CAMK2G: variants seen among roughly 807,000 people sequenced by gnomAD.
CAMK2G encodes the protein calcium/calmodulin-dependent protein kinase type II subunit gamma.
A neutral mutation model predicts 88.7 loss-of-function variants in CAMK2G; 23 were observed. The observed-to-expected ratio is 0.26, with a 90% CI of 0.19 to 0.37. The LOEUF is 0.37. Among genes scored for constraint, CAMK2G ranks in the 10% least tolerant of loss-of-function variants. CAMK2G has a pLI of 1.00. For missense variants in CAMK2G, 476 were observed against 780.8 expected (o/e 0.61, Z 4.65); for synonymous variants, 263 against 294.8 (o/e 0.89, Z 1.11).
chr10:73,834,573 CCT>C (rs1016863502), intron 14 of CAMK2G, among the ~76,000 whole-genome samples: 1 of 152,364 alleles, frequency 6.6e-6, no homozygotes, highest in East Asian at 1.9e-4. Context: ...CTCTGTCCTT[CCT>C]CTGTTTCCTT....
At chr10:73,854,285 G>A (rs1191055874) in intron 3 of CAMK2G, among the ~76,000 whole-genome samples, 2 of 152,182 alleles carry the variant, frequency 1.3e-5, no homozygotes, top group African/African-American at 4.8e-5. Flanking sequence ...AAGCTGGCAG[G>A]CGGAATCCCT....
intron 18 of CAMK2G, among the ~76,000 whole-genome samples, chr10:73,820,294 C>G (rs1793248466): frequency 1.3e-5 from 2 of 151,654 alleles, no homozygotes; most frequent in Non-Finnish European, 2.9e-5. Context: ...CGCCCTGGCA[C>G]TCTAGCCAGG....
At chr10:73,843,291 C>T (rs996662581) in intron 10 of CAMK2G, among the ~76,000 whole-genome samples, 3 of 152,146 alleles carry the variant, frequency 2.0e-5, no homozygotes, top group Admixed American at 6.5e-5. Flanking sequence ...GTCTCGAACT[C>T]CTGACCTCAA....
rs113582704 is a variant in CAMK2G, at chr10:73,864,896, G to A, written c.161-4007C>T. 4.6e-5 allele frequency among the ~76,000 whole-genome samples: 7 copies of A among 152,178 alleles called. 1 individual carries two copies. The highest frequency in any genetic ancestry group is 4.1e-4 in the South Asian group (2 of 4,824). On this transcript the variant is annotated intron_variant, in intron 2 of 22. Coordinates refer to ENST00000423381, the MANE Select transcript of CAMK2G (RefSeq NM_001367534.1). ...CCTGACCTTATGATCCGCCTGCCTC[G>A]GCCTCCCAAAGTGCTGGGATTACAG...
intron 1 of CAMK2G, 130 bp from the exon 2 acceptor site, chr10:73,873,213 C>G: frequency 1.1e-6 from 1 of 947,188 alleles, no homozygotes; most frequent in South Asian, 1.4e-5. Flanking sequence ...GCACACACAC[C>G]GGCGCTGTGA....
chr10:73,849,097 C>G lies in CAMK2G; in HGVS notation c.433G>C (p.Ala145Pro). 1 of 1,613,994 alleles carries G rather than the reference C, an allele frequency of 6.2e-7. No homozygotes were observed. Residue 145 changes from alanine to proline, a missense_variant, in exon 7 of 23, where the codon GCG becomes CCG. Physicochemically the swap from Ala to Pro is conservative, Grantham distance 27. Coordinates refer to ENST00000423381, the MANE Select transcript of CAMK2G (RefSeq NM_001367534.1). ...ACGGCGGCACCCTTGCATTTACTCG[C>G]CAGCAGCAGGTTCTCAGGCTGCAGA... The part of the protein sequence containing the change: ...RDLKPENLLL[A>P]SKCKGAAVKL...
At chr10:73,828,158 A>G in intron 14 of CAMK2G, 37 bp from the exon 15 acceptor site, 1 of 1,570,764 alleles carries the variant, frequency 6.4e-7, no homozygotes, top group Non-Finnish European at 8.8e-7. Context: ...GAGAAGGGGA[A>G]AGAGGAGGTA....
At chr10:73,858,614 A>G (rs1020733314) in intron 3 of CAMK2G, among the ~76,000 whole-genome samples, 1 of 152,134 alleles carries the variant, frequency 6.6e-6, no homozygotes, top group Admixed American at 6.5e-5. Flanking sequence ...ATGAAATGGA[A>G]GCACAGTTCT....
At chr10:73,824,283 C>T (rs1008938782) in intron 16 of CAMK2G, among the ~76,000 whole-genome samples, 199 bp from the exon 17 acceptor site, 2 of 152,204 alleles carry the variant, frequency 1.3e-5, no homozygotes, top group Non-Finnish European at 2.9e-5. Flanking sequence ...ATTTTGGCAG[C>T]AGCACTGGGC....
intron 14 of CAMK2G, chr10:73,837,228 A>G (rs2093336052): frequency 3.6e-6 from 2 of 559,394 alleles, no homozygotes; most frequent in Non-Finnish European, 6.5e-6. Context: ...CTCTGGTATA[A>G]ACTATGATTT....
intron 19 of CAMK2G, 152 bp downstream of exon 19, chr10:73,819,380 C>T: frequency 3.1e-6 from 2 of 648,968 alleles, no homozygotes; most frequent in South Asian, 3.5e-5. Context: ...AACAGCACCT[C>T]CAGTCTACCC....
At chr10:73,823,784 T>C (rs1479366017) in intron 17 of CAMK2G, among the ~76,000 whole-genome samples, 1 of 152,200 alleles carries the variant, frequency 6.6e-6, no homozygotes, top group African/African-American at 2.4e-5. Flanking sequence ...ATTCTATTAT[T>C]ATCATCCCCA....
intron 14 of CAMK2G, among the ~76,000 whole-genome samples, chr10:73,834,686 T>C (rs1376340717): frequency 6.6e-6 from 1 of 152,204 alleles, no homozygotes; most frequent in African/African-American, 2.4e-5. Context: ...GAAAGTGTTT[T>C]TAAAATTCAC....
intron 13 of CAMK2G, among the ~76,000 whole-genome samples, chr10:73,837,992 GAC>G (rs1565313537): frequency 6.6e-6 from 1 of 152,220 alleles, no homozygotes; most frequent in African/African-American, 2.4e-5. Context: ...GACAGACACA[GAC>G]ACAGAAACCA....
chr10:73,865,877 G>GC lies in CAMK2G; in HGVS notation c.161-4989dup, dbSNP rs1184828576. ...TCATCCCCGCCCCTCCCACAGCCCA[G>GC]CCCCCCCCTTCCTGTTTGACAACTG... On this transcript the variant is annotated intron_variant, in intron 2 of 22. Transcript: ENST00000423381. Among the ~76,000 whole-genome samples the GC allele has an allele frequency of 2.1e-3, 200 of 95,988 alleles. 1 individual carries two copies. Among genetic ancestry groups the GC allele is most frequent in the Non-Finnish European group, 3.1e-3 (144 of 47,072 alleles). 63.0% of individuals were successfully genotyped at this position (95,988 alleles called of 152,430 possible).
In CAMK2G at chr10:73,839,213, A is replaced by C. The variant is rs1389084548; in HGVS notation, c.1009+326T>G. 6.6e-6 allele frequency among the ~76,000 whole-genome samples: 1 copy of C among 152,214 alleles called. No homozygotes were observed. Among genetic ancestry groups the C allele is most frequent in the African/African-American group, 2.4e-5 (1 of 41,448 alleles). ...TCCTAGCACCGGGCAGCTCAGGGCA[A>C]TGCCCAGCACTGTCTCTGAGGGCCC... On this transcript the variant is annotated intron_variant, in intron 13 of 22. Coordinates refer to ENST00000423381, the MANE Select transcript of CAMK2G (RefSeq NM_001367534.1). The surrounding 1 kb of genome is among the most constrained non-coding windows in gnomAD (Gnocchi z 4.2).
chr10:73,844,716 C>A (rs1487712578), intron 10 of CAMK2G, among the ~76,000 whole-genome samples: 1 of 152,076 alleles, frequency 6.6e-6, no homozygotes, highest in African/African-American at 2.4e-5. Context: ...GCTCCCCTGG[C>A]CCATCTTAAT....
chr10:73,815,037 GC>G lies in CAMK2G; in HGVS notation c.1744del (p.Ala582ProfsTer80). The stretch of plus-strand genomic sequence containing the variant: ...AGCTCACTGCAGCGGTGCGGCAGGG[GC>G]CCCTGAGCAGTGATAGTGGACATTG... ...WLNVHYHCSGAPAAPLQ is the reference protein window; with the variant it reads ...WLNVHYHCSGXPAAPLQ On this transcript the variant is annotated frameshift_variant, in exon 22 of 23. Coordinates refer to ENST00000423381, the MANE Select transcript of CAMK2G (RefSeq NM_001367534.1). LOFTEE classifies it high-confidence loss of function. 6.2e-7 allele frequency: 1 copy of G among 1,613,592 alleles called. No individual in the cohort carries two copies. The highest frequency in any genetic ancestry group is 8.5e-7 in the Non-Finnish European group (1 of 1,179,810).
At position 73,872,965 on chromosome 10, in the gene CAMK2G, G is replaced by A. The variant is rs749762245; in HGVS notation, c.160+24C>T. The A allele has an allele frequency of 3.2e-5, 48 of 1,478,518 alleles. No individual in the cohort carries two copies. In the East Asian group the frequency reaches 1.0e-3, roughly 32 times the overall value. The allele number at this position is 1,478,518 out of a possible 1,614,324, so 91.6% of individuals were successfully genotyped here. ...TGGCCCCTGGAGGCACCCTCAGGAA[G>A]AGGTCAAGACAGGGAACACTCACCC... On this transcript the variant is annotated intron_variant, in intron 2 of 22. Transcript: ENST00000423381.
Sources: gnomAD v4.1 joint callset for allele counts (sites outside exome capture counted in the v4.1 genomes callset) on GRCh38, gnomAD v4.1.1 for gene constraint, Gnocchi (gnomAD v3.1) non-coding constraint, MANE v1.5 for transcripts, NCBI Gene and HGNC (gene_info 2026-07-23, HGNC 2026-07-21) for gene names.